Variants in METAP1 observed in about 807,000 individuals in gnomAD.
METAP1 encodes the protein methionine aminopeptidase 1.
METAP1 carries 28 observed loss-of-function variants against 53.8 expected under a neutral mutation model. The observed-to-expected ratio is 0.52, with a 90% CI of 0.39 to 0.71. The LOEUF is 0.71. Ranked by LOEUF, METAP1 falls within the 30% of genes least tolerant of loss-of-function variation. The pLI is 0.00. For synonymous variants in METAP1, 181 were observed against 165.7 expected (o/e 1.09, Z -0.71); for missense variants, 389 against 479.8 (o/e 0.81, Z 1.77).
rs1337977024 is a variant in METAP1, at chr4:99,055,091, T to TA, written c.932-2662_932-2661insA. On this transcript the variant is annotated intron_variant, in intron 9 of 10. Transcript: ENST00000296411. ...GTTGCCACAAATCTTCAATTTATTT[T>TA]TAAAAAAAAAAGCATCTGGTCAGAT... Among the ~76,000 whole-genome samples, 605 of 150,402 alleles carry TA rather than the reference T, an allele frequency of 4.0e-3. 3 individuals are homozygous for TA. Among genetic ancestry groups the TA allele is most frequent in the Non-Finnish European group, 6.4e-3 (436 of 67,676 alleles).
chr4:99,027,990 C>T (rs1250228367), intron 1 of METAP1, among the ~76,000 whole-genome samples: 3 of 151,272 alleles, frequency 2.0e-5, no homozygotes, highest in Non-Finnish European at 4.4e-5. Flanking sequence ...TTTTCCTTAA[C>T]TTTCTTCTTG....
intron 1 of METAP1, chr4:99,023,333 A>G (rs964500795): frequency 1.3e-6 from 1 of 777,964 alleles, no homozygotes; most frequent in Non-Finnish European, 1.6e-6. Flanking sequence ...TTGGTTAACT[A>G]TTTGGAATTG....
chr4:99,049,401 A>G (rs1726510570), intron 9 of METAP1, among the ~76,000 whole-genome samples: 1 of 151,886 alleles, frequency 6.6e-6, no homozygotes, highest in African/African-American at 2.4e-5. Context: ...CCTAGCCATT[A>G]CTCTTCTGAT....
intron 1 of METAP1, among the ~76,000 whole-genome samples, chr4:99,012,030 G>A (rs1338312974): frequency 3.3e-5 from 5 of 152,098 alleles, no homozygotes; most frequent in Admixed American, 3.3e-4. Flanking sequence ...CTTTTCTTCG[G>A]TAGTCTAGCT....
intron 1 of METAP1, among the ~76,000 whole-genome samples, chr4:99,024,547 C>T (rs1164926081): frequency 6.6e-6 from 1 of 152,118 alleles, no homozygotes; most frequent in Non-Finnish European, 1.5e-5. Flanking sequence ...GGGTGGGGGC[C>T]ACAAGACCAC....
Position 99,034,298 on chromosome 4 carries a change from G to A in METAP1, c.235G>A (p.Ala79Thr). The A allele has an allele frequency of 6.5e-7, 1 of 1,550,014 alleles. No individual in the cohort carries two copies. The highest frequency in any genetic ancestry group is 8.7e-7 in the Non-Finnish European group (1 of 1,145,570). ...VEGDINTDPW[A>T]GYRYTGKLRP... is the part of the protein sequence containing the mutation. ...AGGTGATATTAATACTGACCCATGG[G>A]CAGGTTATCGATATACTGGTAAACT... Residue 79 changes from alanine to threonine, a missense_variant, in exon 3 of 11, where the codon GCA becomes ACA. Ala to Thr is a moderately conservative substitution (Grantham distance 58). Transcript: ENST00000296411.
Position 99,022,472 on chromosome 4 carries a change from G to T in METAP1, c.115-6395G>T, listed in dbSNP as rs1284625144. ...GGCTGTGCTGCTTTCCGGGCCCTCAGTTCCTGCTCAGTAGGACGTTGGGCA... is the reference window on the plus strand; with the variant it reads ...GGCTGTGCTGCTTTCCGGGCCCTCATTTCCTGCTCAGTAGGACGTTGGGCA... On this transcript the variant is annotated intron_variant, in intron 1 of 10. Transcript: ENST00000296411. The T allele has an allele frequency of 4.9e-6, 3 of 618,156 alleles. No individual in the cohort carries two copies. The African/African-American group carries it at 5.5e-5, about 11-fold the overall frequency. 38.3% of individuals were successfully genotyped at this position (618,156 alleles called of 1,614,324 possible). A position where few individuals can be genotyped will look rare whatever the true frequency, so the allele number is the denominator to read the frequency against.
intron 1 of METAP1, among the ~76,000 whole-genome samples, chr4:98,997,799 A>G (rs1005501456): frequency 3.3e-5 from 5 of 152,310 alleles, no homozygotes; most frequent in African/African-American, 9.6e-5. Context: ...ACTGTTAGAC[A>G]TGCACTCAAA....
chr4:99,033,147 C>G (rs1273377172), intron 2 of METAP1, among the ~76,000 whole-genome samples: 1 of 151,982 alleles, frequency 6.6e-6, no homozygotes, highest in Non-Finnish European at 1.5e-5. Context: ...AATAAAGAAA[C>G]AACACTATAT....
chr4:99,037,784 T>C (rs1725539992), intron 4 of METAP1: 1 of 151,996 alleles, frequency 6.6e-6, no homozygotes, highest in African/African-American at 2.4e-5. Context: ...CTGGCTATTC[T>C]TGCATGTTTG....
At chr4:99,043,619 C>T (rs906068415) in intron 7 of METAP1, among the ~76,000 whole-genome samples, 2 of 152,146 alleles carry the variant, frequency 1.3e-5, no homozygotes, top group Non-Finnish European at 2.9e-5. Flanking sequence ...TTCTTTAATG[C>T]TTATCTCATA....
chr4:99,038,650 T>C (rs552199427), intron 4 of METAP1, among the ~76,000 whole-genome samples: 1 of 152,264 alleles, frequency 6.6e-6, no homozygotes, highest in South Asian at 2.1e-4. Flanking sequence ...AGTTAATTGC[T>C]ATCCTGGCTT....
chr4:99,047,355 A>G (rs1427033108), intron 8 of METAP1, among the ~76,000 whole-genome samples: 1 of 152,198 alleles, frequency 6.6e-6, no homozygotes, highest in Non-Finnish European at 1.5e-5. Flanking sequence ...ATCTCTAGAT[A>G]CTACCCTTGG....
chr4:99,026,334 A>C, intron 1 of METAP1: 1 of 985,420 alleles, frequency 1.0e-6, no homozygotes, highest in Non-Finnish European at 1.2e-6. Context: ...TAAAGTAGTA[A>C]AACAAAGTGC....
intron 1 of METAP1, chr4:99,023,759 A>T: frequency 1.0e-6 from 1 of 985,428 alleles, no homozygotes; most frequent in Non-Finnish European, 1.2e-6. Flanking sequence ...GGTGGGAGTT[A>T]GTTGCACTGG....
chr4:99,010,309 C>T (rs1342991264), intron 1 of METAP1, among the ~76,000 whole-genome samples: 2 of 152,124 alleles, frequency 1.3e-5, no homozygotes. Context: ...CAAAAATTAG[C>T]CAGGCGTGTT....
At chr4:99,057,931 C>A in intron 10 of METAP1, 113 bp downstream of exon 10, 1 of 821,266 alleles carries the variant, frequency 1.2e-6, no homozygotes, top group Non-Finnish European at 1.9e-6. Flanking sequence ...TACTCACTCC[C>A]TGTCCCACCT....
At chr4:99,040,305 A>G (rs1044981427) in intron 5 of METAP1, among the ~76,000 whole-genome samples, 9 of 152,206 alleles carry the variant, frequency 5.9e-5, no homozygotes, top group African/African-American at 1.7e-4. Flanking sequence ...GTGAAATCAC[A>G]TATTTATTCT....
chr4:99,027,276 G>A (rs1724627943), intron 1 of METAP1, among the ~76,000 whole-genome samples: 1 of 152,170 alleles, frequency 6.6e-6, no homozygotes, highest in Non-Finnish European at 1.5e-5. Flanking sequence ...CAGAATGATT[G>A]TCTAATAACC....
Sources: allele counts gnomAD v4.1 joint callset (sites outside exome capture counted in the v4.1 genomes callset), GRCh38; gene constraint gnomAD v4.1.1; transcripts MANE v1.5; gene names NCBI Gene and HGNC (gene_info 2026-07-23, HGNC 2026-07-21).